The following HERC2 variants were observed in gnomAD, a reference collection of about 807,000 sequenced individuals.
HERC2 encodes the protein E3 ubiquitin-protein ligase HERC2.
A neutral mutation model predicts 537.7 loss-of-function variants in HERC2; 102 were observed. The ratio of observed to expected loss-of-function variants is 0.19; its 90% CI spans 0.16 to 0.22. The LOEUF (loss-of-function observed/expected upper bound fraction) is 0.22. Ranked by LOEUF, HERC2 falls within the 10% of genes least tolerant of loss-of-function variation. HERC2 has a pLI of 1.00. For synonymous variants in HERC2, 2,224 were observed against 2,466.2 expected (o/e 0.90, Z 2.91); for missense variants, 4,236 against 6,198.2 (o/e 0.68, Z 10.63).
At chr15:28,239,618 CT>C (rs2140718934) in intron 23 of HERC2, among the ~76,000 whole-genome samples, 1 of 146,128 alleles carries the variant, frequency 6.8e-6, no homozygotes, top group South Asian at 2.3e-4. Context: ...CATTACAGGC[CT>C]CCTGAGCCAA....
chr15:28,274,144 G>C lies in HERC2; in HGVS notation c.800+147C>G, dbSNP rs185225951. On this transcript the variant is annotated intron_variant, in intron 7 of 92. Coordinates refer to ENST00000261609, the MANE Select transcript of HERC2 (RefSeq NM_004667.6). ...AATCGCCTGAAAAGCTGAGAACCCA[G>C]ACCCGGAATCACAGCACTGACAGCC... 2,793 of 705,874 alleles carry C rather than the reference G, an allele frequency of 4.0e-3. 10 individuals carry two copies. The highest frequency in any genetic ancestry group is 5.7e-3 in the Non-Finnish European group (2,405 of 423,114). The allele number at this position is 705,874 out of a possible 1,614,324, so 43.7% of individuals were successfully genotyped here. A position where few individuals can be genotyped will look rare whatever the true frequency, so the allele number is the denominator to read the frequency against.
At chr15:28,182,002 G>A (rs1895871839) in intron 57 of HERC2, among the ~76,000 whole-genome samples, 1 of 152,192 alleles carries the variant, frequency 6.6e-6, no homozygotes, top group Non-Finnish European at 1.5e-5. Context: ...ACTTCACCCT[G>A]AAGAATCTCA....
chr15:28,186,079 G>A (rs947451531), intron 56 of HERC2, among the ~76,000 whole-genome samples: 7 of 152,140 alleles, frequency 4.6e-5, no homozygotes, highest in Non-Finnish European at 8.8e-5. Flanking sequence ...AAATTCTAGC[G>A]ATGGACAATA....
chr15:28,246,012 G>A lies in HERC2; in HGVS notation c.3446C>T (p.Ala1149Val). Reference sequence around the variant, plus strand: ...AGCTCCAGCCTCTTGCATGAGACCAGCATTTTTACTGAGCAGAAGCACTAT... The same window carrying A: ...AGCTCCAGCCTCTTGCATGAGACCAACATTTTTACTGAGCAGAAGCACTAT... ...VSIVLLLSKN[A>V]GLMQEAGAVP... Residue 1149 changes from alanine (A) to valine (V), a missense_variant, in exon 23 of 93, where the codon GCT (alanine) becomes GTT (valine). By Grantham distance (64) the Ala-to-Val change is moderately conservative. This residue lies in a region of HERC2 where 754 missense variants were observed against 1,085.0 expected (regional missense o/e 0.69). Transcript: ENST00000261609. The A allele has an allele frequency of 1.2e-6, 2 of 1,613,746 alleles. No individual in the cohort carries two copies. The highest frequency in any genetic ancestry group is 1.7e-4 in the Middle Eastern group (1 of 6,060).
intron 2 of HERC2, among the ~76,000 whole-genome samples, chr15:28,304,460 G>A (rs548934571): frequency 7.3e-5 from 11 of 151,034 alleles, no homozygotes; most frequent in African/African-American, 1.9e-4. Flanking sequence ...CTCCACCTCC[G>A]GGGTTCAAGT....
intron 35 of HERC2, among the ~76,000 whole-genome samples, chr15:28,224,166 C>CACACACACACACACAG (rs748053596): frequency 1.4e-4 from 21 of 147,656 alleles, no homozygotes; most frequent in African/African-American, 2.3e-4. Flanking sequence ...CACACACACA[C>CACACACACACACACAG]AGAGAGAGAG....
Position 28,265,533 on chromosome 15 carries a change from C to T in HERC2, c.1870+85G>A. On this transcript the variant is annotated intron_variant, in intron 14 of 92. Transcript: ENST00000261609. The surrounding 1 kb of genome is among the most constrained non-coding windows in gnomAD (Gnocchi z 4.0). ...CGACAGGGTGGGTGGCCTCGTGAGG[C>T]CCACTGTACTCATCTCACTTCCTCC... 8.8e-7 allele frequency: 1 copy of T among 1,132,810 alleles called. No homozygotes were observed. Among genetic ancestry groups the T allele is most frequent in the Non-Finnish European group, 1.3e-6 (1 of 758,028 alleles). 70.2% of individuals were successfully genotyped at this position (1,132,810 alleles called of 1,614,324 possible).
At chr15:28,283,377 C>G (rs1013027487) in intron 4 of HERC2, among the ~76,000 whole-genome samples, 1 of 152,184 alleles carries the variant, frequency 6.6e-6, no homozygotes, top group Admixed American at 6.5e-5. Flanking sequence ...CATCAGAAAC[C>G]ATGGAGCCCA....
chr15:28,170,702 A>G (rs990501113), intron 65 of HERC2, among the ~76,000 whole-genome samples: 13 of 152,208 alleles, frequency 8.5e-5, no homozygotes, highest in African/African-American at 2.4e-4. Flanking sequence ...TATGAAAGGA[A>G]ACGAAAAGAC....
intron 30 of HERC2, among the ~76,000 whole-genome samples, chr15:28,232,551 G>GAA (rs58995112): frequency 2.5e-4 from 29 of 115,170 alleles, no homozygotes; most frequent in East Asian, 8.8e-4. Context: ...CCATCTCAAA[G>GAA]AAAAAAAAAA....
intron 69 of HERC2, among the ~76,000 whole-genome samples, chr15:28,156,650 G>C (rs1348292219): frequency 6.6e-6 from 1 of 152,140 alleles, no homozygotes; most frequent in Non-Finnish European, 1.5e-5. Flanking sequence ...GGAGATTTTA[G>C]GCTGAGACGA....
intron 34 of HERC2, among the ~76,000 whole-genome samples, chr15:28,228,950 G>A (rs1467112176): frequency 6.6e-6 from 1 of 152,158 alleles, no homozygotes; most frequent in Non-Finnish European, 1.5e-5. Flanking sequence ...GACACTTTAG[G>A]ATATGTGGTG....
intron 79 of HERC2, among the ~76,000 whole-genome samples, chr15:28,133,374 T>A (rs1396504916): frequency 6.6e-6 from 1 of 152,208 alleles, no homozygotes; most frequent in East Asian, 1.9e-4. Context: ...TCAGATTATA[T>A]GATTGTGAAT....
intron 20 of HERC2, among the ~76,000 whole-genome samples, chr15:28,252,546 A>G (rs541337412): frequency 2.5e-4 from 38 of 152,212 alleles, no homozygotes; most frequent in Non-Finnish European, 4.7e-4. Context: ...ATTCTTAATT[A>G]ACTCCATGAA....
At chr15:28,126,790 C>T (rs562298280) in intron 83 of HERC2, among the ~76,000 whole-genome samples, 29 of 152,254 alleles carry the variant, frequency 1.9e-4, no homozygotes, top group African/African-American at 6.7e-4. Flanking sequence ...GGAGCACCCA[C>T]CTCTCAGACA....
intron 16 of HERC2, 124 bp from the exon 17 acceptor site, chr15:28,257,385 C>G: frequency 2.7e-6 from 2 of 748,640 alleles, no homozygotes; most frequent in Non-Finnish European, 2.2e-6. Flanking sequence ...TCGAACTGCC[C>G]AGTCCAAAGG....
chr15:28,143,774 C>T, intron 74 of HERC2, 99 bp downstream of exon 74: 13 of 1,487,146 alleles, frequency 8.7e-6, no homozygotes, highest in Non-Finnish European at 1.2e-5. Context: ...ATGTGAAACT[C>T]CCCAACTCCT....
intron 5 of HERC2, 103 bp downstream of exon 5, chr15:28,279,963 GAA>G: frequency 1.2e-6 from 1 of 815,458 alleles, no homozygotes; most frequent in African/African-American, 1.7e-5. Context: ...ATAAATTTCA[GAA>G]GGTGAAGACA....
intron 23 of HERC2, among the ~76,000 whole-genome samples, chr15:28,242,957 G>C (rs148315960): frequency 6.6e-6 from 1 of 152,276 alleles, no homozygotes; most frequent in East Asian, 1.9e-4. Context: ...TACTTTGTGT[G>C]TGAAATCTGG....
Sources: gnomAD v4.1 joint callset for allele counts (sites outside exome capture counted in the v4.1 genomes callset) on GRCh38, gnomAD v4.1.1 for gene constraint, gnomAD v4.1.1 regional missense constraint, Gnocchi (gnomAD v3.1) non-coding constraint, MANE v1.5 for transcripts, NCBI Gene and HGNC (gene_info 2026-07-23, HGNC 2026-07-21) for gene names.